The following TRAF3IP1 variants were observed in gnomAD, a reference collection of about 807,000 sequenced individuals.
TRAF3IP1 encodes TRAF3-interacting protein 1.
In TRAF3IP1, 53 loss-of-function variants were observed where a neutral mutation model predicts 89.9. The ratio of observed to expected loss-of-function variants is 0.59; its 90% CI spans 0.47 to 0.74. The LOEUF (loss-of-function observed/expected upper bound fraction) is 0.74. TRAF3IP1 is among the 30% of genes least tolerant of loss of function. The pLI is 0.00. For synonymous variants in TRAF3IP1, 311 were observed against 322.1 expected, an observed-to-expected ratio of 0.97 and a Z score of 0.37; for missense variants, 806 against 866.1, an observed-to-expected ratio of 0.93 and a Z score of 0.87.
In TRAF3IP1 at chr2:238,400,502, A is replaced by G. The variant is rs990250559; in HGVS notation, c.*1583A>G. The G allele has an allele frequency of 1.2e-4, 19 of 152,244 alleles. No individual in the cohort carries two copies. The highest frequency in any genetic ancestry group is 4.6e-4 in the African/African-American group (19 of 41,458). 9.4% of individuals were successfully genotyped at this position (152,244 alleles called of 1,614,324 possible). On this transcript the variant is annotated 3_prime_UTR_variant, in exon 17 of 17. Transcript: ENST00000373327. ...GTTGTTATATGATTTTCTGAGCTGA[A>G]TAAGTTCAGGAGCAGATTATTAAGA...
In TRAF3IP1 at chr2:238,381,851, C is replaced by G. The variant is rs191637201; in HGVS notation, c.1690-15608C>G. Among the ~76,000 whole-genome samples, 76 of 152,132 alleles carry G rather than the reference C, an allele frequency of 5.0e-4. 1 individual carries two copies. The East Asian group carries it at 0.01, about 21-fold the overall frequency. ...CATGCTCTACGAATTTAAAAAATGC[C>G]AATGATTAAGCGAAAAGCAAAAAAA... On this transcript the variant is annotated intron_variant, in intron 15 of 16. Transcript: ENST00000373327.
intron 15 of TRAF3IP1, among the ~76,000 whole-genome samples, chr2:238,370,781 C>T (rs565227296): frequency 6.6e-6 from 1 of 152,170 alleles, no homozygotes; most frequent in Non-Finnish European, 1.5e-5. Flanking sequence ...AGATGAATTT[C>T]ATCGCCAGTT....
Position 238,344,566 on chromosome 2 carries a change from A to C in TRAF3IP1, c.1229A>C (p.Asn410Thr). 2 of 1,614,218 alleles carry C rather than the reference A, an allele frequency of 1.2e-6. No homozygotes were observed. Among genetic ancestry groups the C allele is most frequent in the Admixed American group, 3.3e-5 (2 of 60,034 alleles). ...AATTCAGCTAGTCTGCGGTGTGAGA[A>C]TATTCAGCCCAACCCCACAGAGAAG... ...DDNSASLRCENIQPNPTEKQK... is the reference protein window; with the variant it reads ...DDNSASLRCETIQPNPTEKQK... The change falls in exon 9 of 17, where the codon AAT (asparagine) becomes ACT (threonine). Residue 410 changes from asparagine to threonine, a missense_variant. By Grantham distance (65) the Asn-to-Thr change is moderately conservative (BLOSUM62 0). This residue lies in a region of TRAF3IP1 where 732 missense variants were observed against 780.5 expected (regional missense o/e 0.94). Coordinates refer to ENST00000373327, the MANE Select transcript of TRAF3IP1 (RefSeq NM_015650.4).
intron 15 of TRAF3IP1, among the ~76,000 whole-genome samples, chr2:238,387,147 C>T (rs1390299786): frequency 6.6e-6 from 1 of 152,224 alleles, no homozygotes; most frequent in Non-Finnish European, 1.5e-5. Context: ...ATGATACAGA[C>T]AGTAAGTCCC....
intron 15 of TRAF3IP1, among the ~76,000 whole-genome samples, chr2:238,368,443 C>T (rs1261975376): frequency 6.6e-6 from 1 of 152,044 alleles, no homozygotes; most frequent in African/African-American, 2.4e-5. Flanking sequence ...TTCTTCTGGC[C>T]AGTAGACTTC....
At chr2:238,377,630 A>G (rs1004796317) in intron 15 of TRAF3IP1, among the ~76,000 whole-genome samples, 1 of 152,002 alleles carries the variant, frequency 6.6e-6, no homozygotes, top group African/African-American at 2.4e-5. Context: ...GTATTTTTCC[A>G]TTTATATTCA....
intron 15 of TRAF3IP1, among the ~76,000 whole-genome samples, chr2:238,394,217 G>A (rs1212900333): frequency 6.6e-6 from 1 of 152,144 alleles, no homozygotes; most frequent in East Asian, 1.9e-4. Context: ...TTGAAATTGG[G>A]TAGACTGGTT....
At chr2:238,336,213 G>A (rs1376549416) in intron 7 of TRAF3IP1, among the ~76,000 whole-genome samples, 1 of 152,146 alleles carries the variant, frequency 6.6e-6, no homozygotes, top group African/African-American at 2.4e-5. Flanking sequence ...GTTTACTGGT[G>A]AGCTTGTGCT....
chr2:238,383,146 A>G (rs1473023453), intron 15 of TRAF3IP1, among the ~76,000 whole-genome samples: 4 of 151,692 alleles, frequency 2.6e-5, no homozygotes, highest in African/African-American at 9.7e-5. Context: ...TGTCTGGAAT[A>G]CTCACCCACT....
chr2:238,374,824 T>G (rs1193300268), intron 15 of TRAF3IP1, among the ~76,000 whole-genome samples: 1 of 152,206 alleles, frequency 6.6e-6, no homozygotes, highest in African/African-American at 2.4e-5. Context: ...ATTGGTCTAT[T>G]CATATATTCA....
chr2:238,384,380 G>GTATGTATGTATGTATGTA (rs1553619335), intron 15 of TRAF3IP1, among the ~76,000 whole-genome samples: 16 of 143,238 alleles, frequency 1.1e-4, no homozygotes, highest in Admixed American at 1.4e-4. Flanking sequence ...ATGTATGTAT[G>GTATGTATGTATGTATGTA]TATATATATA....
rs549288266 is a variant in TRAF3IP1, at chr2:238,348,922, C to T, written c.1367+74C>T. 4.6e-6 allele frequency: 6 copies of T among 1,296,512 alleles called. No homozygotes were observed. The African/African-American group carries it at 8.8e-5, about 19-fold the overall frequency. 80.3% of individuals were successfully genotyped at this position (1,296,512 alleles called of 1,614,324 possible). On this transcript the variant is annotated intron_variant, in intron 11 of 16. Coordinates refer to ENST00000373327, the MANE Select transcript of TRAF3IP1 (RefSeq NM_015650.4). ...GACACTGCTGTGCTTCTCTTTCTGGCTGCTGCTATTTATTTAGTGCTTGAG... is the reference window on the plus strand; with the variant it reads ...GACACTGCTGTGCTTCTCTTTCTGGTTGCTGCTATTTATTTAGTGCTTGAG...
chr2:238,344,565 A>T lies in TRAF3IP1; in HGVS notation c.1228A>T (p.Asn410Tyr). 1 of 1,614,212 alleles carries T rather than the reference A, an allele frequency of 6.2e-7. No individual in the cohort carries two copies. Among genetic ancestry groups the T allele is most frequent in the Non-Finnish European group, 8.5e-7 (1 of 1,180,018 alleles). Reference sequence around the variant, plus strand: ...TAATTCAGCTAGTCTGCGGTGTGAGAATATTCAGCCCAACCCCACAGAGAA... The same window carrying T: ...TAATTCAGCTAGTCTGCGGTGTGAGTATATTCAGCCCAACCCCACAGAGAA... ...DDNSASLRCE[N>Y]IQPNPTEKQK... Residue 410 changes from asparagine (N) to tyrosine (Y), a missense_variant, in exon 9 of 17, where the codon AAT (asparagine) becomes TAT (tyrosine). Physicochemically the swap from Asn to Tyr is moderately radical, Grantham distance 143. Around this residue, in one of 3 missense-constraint regions of TRAF3IP1, gnomAD observed 732 missense variants for 780.5 expected, o/e 0.94. Transcript: ENST00000373327.
intron 15 of TRAF3IP1, among the ~76,000 whole-genome samples, chr2:238,383,952 T>C (rs370098595): frequency 3.7e-4 from 56 of 152,328 alleles, no homozygotes; most frequent in African/African-American, 1.3e-3. Flanking sequence ...TCTCCCCTTA[T>C]GGTTTTTGTT....
chr2:238,368,347 G>A (rs943379966), intron 15 of TRAF3IP1, among the ~76,000 whole-genome samples: 1 of 152,158 alleles, frequency 6.6e-6, no homozygotes, highest in Non-Finnish European at 1.5e-5. Flanking sequence ...AAAATGCTTC[G>A]ATTTCCTATT....
chr2:238,339,589 G>C (rs1221820240), intron 8 of TRAF3IP1, among the ~76,000 whole-genome samples: 1 of 152,238 alleles, frequency 6.6e-6, no homozygotes, highest in East Asian at 1.9e-4. Context: ...CCACAGGGAT[G>C]ACTCCCCACT....
At position 238,379,549 on chromosome 2, in the gene TRAF3IP1, T is replaced by C. The variant is rs980812367; in HGVS notation, c.1690-17910T>C. Among the ~76,000 whole-genome samples, 1 of 152,228 alleles carries C rather than the reference T, an allele frequency of 6.6e-6. No homozygotes were observed. Among genetic ancestry groups the C allele is most frequent in the African/African-American group, 2.4e-5 (1 of 41,466 alleles). ...TGTGAATTTTCCTTTGCTCATCCAG[T>C]CCTTAGACTCACTTCTTCTATTCAT... On this transcript the variant is annotated intron_variant, in intron 15 of 16. Coordinates refer to ENST00000373327, the MANE Select transcript of TRAF3IP1 (RefSeq NM_015650.4). The surrounding 1 kb of genome is among the most constrained non-coding windows in gnomAD (Gnocchi z 4.0).
intron 7 of TRAF3IP1, among the ~76,000 whole-genome samples, chr2:238,337,977 T>C (rs954648484): frequency 6.6e-6 from 1 of 152,136 alleles, no homozygotes; most frequent in Non-Finnish European, 1.5e-5. Flanking sequence ...TTTACGGACA[T>C]GGACCTTTGC....
chr2:238,325,188 G>T (rs1046542988), intron 1 of TRAF3IP1, 118 bp from the exon 2 acceptor site: 2 of 976,038 alleles, frequency 2.0e-6, no homozygotes, highest in Admixed American at 1.8e-5. Context: ...TTAAGTGGAT[G>T]ATTCAAATCT....
Sources: gnomAD v4.1 joint callset for allele counts (sites outside exome capture counted in the v4.1 genomes callset) on GRCh38, gnomAD v4.1.1 for gene constraint, gnomAD v4.1.1 regional missense constraint, Gnocchi (gnomAD v3.1) non-coding constraint, MANE v1.5 for transcripts, NCBI Gene and HGNC (gene_info 2026-07-23, HGNC 2026-07-21) for gene names.